Variants in UBE2D2 observed in about 807,000 individuals in gnomAD.
UBE2D2 encodes ubiquitin-conjugating enzyme E2 D2.
Under a neutral mutation model 24.2 loss-of-function variants are expected in UBE2D2, and 2 were observed. The observed-to-expected ratio is 0.08, with a 90% CI of 0.03 to 0.26. The LOEUF (loss-of-function observed/expected upper bound fraction) is 0.26. UBE2D2 is among the 10% of genes least tolerant of loss of function. The pLI, the probability that UBE2D2 is intolerant of heterozygous loss-of-function variation, is 1.00. For synonymous variants in UBE2D2, 58 were observed against 56.5 expected, an observed-to-expected ratio of 1.03 and a Z score of -0.12; for missense variants, 44 against 177.6, an observed-to-expected ratio of 0.25 and a Z score of 4.28.
At chr5:139,587,754 C>G (rs966858697) in intron 1 of UBE2D2, among the ~76,000 whole-genome samples, 3 of 151,472 alleles carry the variant, frequency 2.0e-5, no homozygotes, top group Non-Finnish European at 4.4e-5. Flanking sequence ...AAACAGAGCT[C>G]CCATACAAAG....
intron 1 of UBE2D2, among the ~76,000 whole-genome samples, chr5:139,544,823 C>T (rs1281885160): frequency 6.6e-6 from 1 of 151,520 alleles, no homozygotes; most frequent in Non-Finnish European, 1.5e-5. Context: ...TTTTGCCAGG[C>T]TGGAGTGCAG....
chr5:139,567,350 G>A lies in UBE2D2; in HGVS notation c.24+5535G>A, dbSNP rs183870789. On this transcript the variant is annotated intron_variant, in intron 1 of 6. Transcript: ENST00000398733. ...CCTGACCTTGTGATCCACCTGCTTC[G>A]GCCTCCCAAAGTGCTGGGAATACAA... Among the ~76,000 whole-genome samples, 341 of 151,428 alleles carry A rather than the reference G, an allele frequency of 2.3e-3. 2 individuals carry two copies. The highest frequency in any genetic ancestry group is 7.7e-3 in the African/African-American group (319 of 41,296).
intron 1 of UBE2D2, among the ~76,000 whole-genome samples, chr5:139,573,673 T>C (rs569159275): frequency 1.3e-5 from 2 of 152,158 alleles, no homozygotes; most frequent in South Asian, 4.1e-4. Context: ...GCTTTCCATT[T>C]AAAATGTCTT....
chr5:139,587,687 A>AC (rs1001226326), intron 1 of UBE2D2, among the ~76,000 whole-genome samples: 7 of 151,208 alleles, frequency 4.6e-5, no homozygotes, highest in Non-Finnish European at 7.4e-5. Flanking sequence ...AAAAAAAAAA[A>AC]AAAAAAACGG....
At chr5:139,558,364 T>C (rs1424538469), upstream of UBE2D2, among the ~76,000 whole-genome samples, 1 of 152,214 alleles carries the variant, frequency 6.6e-6, no homozygotes, top group Non-Finnish European at 1.5e-5. Flanking sequence ...CTCAGCTCAC[T>C]GCAAGCTCTG....
chr5:139,598,125 T>C (rs1183058339), intron 1 of UBE2D2, among the ~76,000 whole-genome samples: 2 of 152,094 alleles, frequency 1.3e-5, no homozygotes, highest in African/African-American at 4.8e-5. Flanking sequence ...ATGGTCTCGA[T>C]CTCCTGACCT....
chr5:139,581,391 G>A (rs1215201674), intron 1 of UBE2D2, among the ~76,000 whole-genome samples: 1 of 151,972 alleles, frequency 6.6e-6, no homozygotes, highest in Non-Finnish European at 1.5e-5. Context: ...GGAGGTTGCA[G>A]TGAGCCGAGA....
intron 1 of UBE2D2, among the ~76,000 whole-genome samples, chr5:139,588,598 A>G (rs1024500515): frequency 6.6e-6 from 1 of 152,204 alleles, no homozygotes; most frequent in African/African-American, 2.4e-5. Context: ...TTTTGCTAAT[A>G]TCTTTATATA....
chr5:139,608,030 AAACTT>A (rs982635419), intron 2 of UBE2D2, among the ~76,000 whole-genome samples: 3 of 152,158 alleles, frequency 2.0e-5, no homozygotes, highest in Admixed American at 6.6e-5. Context: ...AAAAAAAAAA[AAACTT>A]AAATATACAA....
At chr5:139,584,300 G>T (rs1310873133) in intron 1 of UBE2D2, among the ~76,000 whole-genome samples, 1 of 152,106 alleles carries the variant, frequency 6.6e-6, no homozygotes, top group African/African-American at 2.4e-5. Flanking sequence ...GAGCAATAAG[G>T]CTGTATACCA....
At chr5:139,531,355 GC>G (rs1449835563) in intron 1 of UBE2D2, among the ~76,000 whole-genome samples, 1 of 152,210 alleles carries the variant, frequency 6.6e-6, no homozygotes, top group Non-Finnish European at 1.5e-5. Context: ...ACCGGTGCAT[GC>G]AGCCCCTGTC....
At chr5:139,609,986 T>A (rs1384430205) in intron 2 of UBE2D2, among the ~76,000 whole-genome samples, 2 of 151,830 alleles carry the variant, frequency 1.3e-5, no homozygotes, top group Non-Finnish European at 2.9e-5. Context: ...TTGGCCAGGC[T>A]GGTCTTGAAC....
chr5:139,614,675 C>T, intron 3 of UBE2D2, 22 bp from the exon 4 acceptor site: 1 of 1,613,412 alleles, frequency 6.2e-7, no homozygotes, highest in Non-Finnish European at 8.5e-7. Flanking sequence ...CATTTTAATC[C>T]CACTTTTCTT....
chr5:139,527,577 A>G (rs1752556230), intron 1 of UBE2D2, among the ~76,000 whole-genome samples: 1 of 152,256 alleles, frequency 6.6e-6, no homozygotes, highest in African/African-American at 2.4e-5. Context: ...TAAAAAAACA[A>G]TGGTTATCTT....
chr5:139,587,317 A>C (rs1753750454), intron 1 of UBE2D2, among the ~76,000 whole-genome samples: 1 of 152,158 alleles, frequency 6.6e-6, no homozygotes, highest in Admixed American at 6.6e-5. Flanking sequence ...GAGGGATGGA[A>C]GTCAGCAGCG....
chr5:139,573,127 C>T (rs1753389901), intron 1 of UBE2D2, among the ~76,000 whole-genome samples: 1 of 151,604 alleles, frequency 6.6e-6, no homozygotes. Context: ...TGGTGAAACC[C>T]CATCTCCACT....
chr5:139,600,204 C>T, intron 1 of UBE2D2, 168 bp from the exon 2 acceptor site: 1 of 788,608 alleles, frequency 1.3e-6, no homozygotes, highest in Admixed American at 2.0e-5. Context: ...CTTGAAGAAT[C>T]CAAAATACCT....
chr5:139,562,091 G>C, intron 1 of UBE2D2: 4 of 940,860 alleles, frequency 4.3e-6, no homozygotes, highest in Non-Finnish European at 6.1e-6. Flanking sequence ...CTTCTCTCCA[G>C]TCTGGGACTG....
rs746648672 is a variant in UBE2D2 at position 139,600,359 on chromosome 5, C to CT, written c.25-7dup. On this transcript the variant is annotated splice_polypyrimidine_tract_variant and intron_variant, in intron 1 of 6. Transcript: ENST00000398733. ...TATGTTGAATATATTTCTTTTCTTTCTTTTTTCTGTAGGAATTGAATGATC... is the reference window on the plus strand; with the variant it reads ...TATGTTGAATATATTTCTTTTCTTTCTTTTTTTCTGTAGGAATTGAATGATC... The CT allele has an allele frequency of 4.4e-4, 709 of 1,613,150 alleles. No homozygotes were observed. The highest frequency in any genetic ancestry group is 5.6e-4 in the Non-Finnish European group (665 of 1,179,682).
Sources: allele counts gnomAD v4.1 joint callset (sites outside exome capture counted in the v4.1 genomes callset), GRCh38; gene constraint gnomAD v4.1.1; transcripts MANE v1.5; gene names NCBI Gene and HGNC (gene_info 2026-07-23, HGNC 2026-07-21).